LHFPL3: variants seen among roughly 807,000 people sequenced by gnomAD.
The protein encoded by LHFPL3 is LHFPL tetraspan subfamily member 3 protein.
LHFPL3 carries 5 observed loss-of-function variants against 19.3 expected under a neutral mutation model. The ratio of observed to expected loss-of-function variants is 0.26; its 90% CI spans 0.14 to 0.54. The LOEUF is 0.54. Ranked by LOEUF, LHFPL3 falls within the 20% of genes least tolerant of loss-of-function variation. LHFPL3 has a pLI of 0.94. For synonymous variants in LHFPL3, 133 were observed against 126.2 expected, an observed-to-expected ratio of 1.05 and a Z score of -0.36; for missense variants, 249 against 307.4, an observed-to-expected ratio of 0.81 and a Z score of 1.42.
chr7:104,704,524 CTTT>C (rs200846185), intron 1 of LHFPL3, among the ~76,000 whole-genome samples: 2 of 146,662 alleles, frequency 1.4e-5, no homozygotes, highest in African/African-American at 2.5e-5. Context: ...GGATAGAGTA[CTTT>C]TTTTTTTTTT....
intron 1 of LHFPL3, among the ~76,000 whole-genome samples, chr7:104,496,851 T>C (rs1043871762): frequency 2.6e-5 from 4 of 152,218 alleles, no homozygotes; most frequent in Admixed American, 2.6e-4. Context: ...TGGAAAGTAT[T>C]TGTGGGATCC....
At chr7:104,886,815 T>C (rs1792157619) in intron 2 of LHFPL3, among the ~76,000 whole-genome samples, 2 of 152,232 alleles carry the variant, frequency 1.3e-5, no homozygotes, top group Admixed American at 1.3e-4. Context: ...GAAGCTTTTC[T>C]ATTGCAAAAT....
At chr7:104,805,073 C>G (rs1790330990) in intron 2 of LHFPL3, among the ~76,000 whole-genome samples, 1 of 152,214 alleles carries the variant, frequency 6.6e-6, no homozygotes, top group Admixed American at 6.5e-5. Flanking sequence ...CAGGGGCCCC[C>G]ATAGGCTCAG....
At chr7:104,512,928 T>C (rs988392772) in intron 1 of LHFPL3, among the ~76,000 whole-genome samples, 1 of 152,176 alleles carries the variant, frequency 6.6e-6, no homozygotes, top group Non-Finnish European at 1.5e-5. Flanking sequence ...AGCTCTTGGC[T>C]GGTTAAACAG....
rs538050678 is a variant in LHFPL3, at chr7:104,667,428, T to A, written c.446-69247T>A. ...GGGCCATTGCTGTTACTTCGTAGAT[T>A]TGACTTTTCAAGGCTCACATCCCAG... is the stretch of plus-strand genomic sequence containing the variant. On this transcript the variant is annotated intron_variant, in intron 1 of 2. Transcript: ENST00000424859. Among the ~76,000 whole-genome samples, 8 of 152,324 alleles carry A rather than the reference T, an allele frequency of 5.3e-5. No homozygotes were observed. The East Asian group carries it at 1.5e-3, about 29-fold the overall frequency.
intron 1 of LHFPL3, among the ~76,000 whole-genome samples, chr7:104,531,256 T>C (rs1794288666): frequency 6.6e-6 from 1 of 152,182 alleles, no homozygotes; most frequent in Non-Finnish European, 1.5e-5. Context: ...AAAGATCAGC[T>C]CACTTCGTCA....
At chr7:104,731,237 G>A (rs1793698558) in intron 1 of LHFPL3, among the ~76,000 whole-genome samples, 4 of 150,348 alleles carry the variant, frequency 2.7e-5, no homozygotes, top group Admixed American at 2.0e-4. Context: ...GGCTCTTAAA[G>A]TAGTTTTTTC....
chr7:104,696,036 C>T (rs143683200), intron 1 of LHFPL3, among the ~76,000 whole-genome samples: 1,874 of 152,244 alleles, frequency 0.012, 41 homozygotes, highest in African/African-American at 0.043. Flanking sequence ...CTGCAACCTC[C>T]GCCTCCTGGG....
At chr7:104,394,019 A>G (rs897283535) in intron 1 of LHFPL3, among the ~76,000 whole-genome samples, 2 of 152,206 alleles carry the variant, frequency 1.3e-5, no homozygotes, top group African/African-American at 4.8e-5. Context: ...AAAATTATAT[A>G]GTAGCAATGG....
intron 1 of LHFPL3, among the ~76,000 whole-genome samples, chr7:104,522,075 GAC>G (rs1794075975): frequency 6.6e-6 from 1 of 152,020 alleles, no homozygotes; most frequent in South Asian, 2.1e-4. Context: ...CTGCTATAAA[GAC>G]ACATGCACAC....
At chr7:104,863,705 G>A (rs937020871) in intron 2 of LHFPL3, among the ~76,000 whole-genome samples, 1 of 152,188 alleles carries the variant, frequency 6.6e-6, no homozygotes, top group South Asian at 2.1e-4. Flanking sequence ...CCGGCTCAGA[G>A]ACATCAGGTA....
At chr7:104,860,190 A>C (rs1183564078) in intron 2 of LHFPL3, among the ~76,000 whole-genome samples, 1 of 151,538 alleles carries the variant, frequency 6.6e-6, no homozygotes, top group East Asian at 1.9e-4. Flanking sequence ...ACACACACAC[A>C]CACACACACA....
intron 1 of LHFPL3, among the ~76,000 whole-genome samples, chr7:104,528,426 T>C (rs544110276): frequency 3.0e-4 from 45 of 152,320 alleles, no homozygotes; most frequent in African/African-American, 8.7e-4. Flanking sequence ...GCTTTCCTTC[T>C]CTTTCTCATC....
intron 1 of LHFPL3, among the ~76,000 whole-genome samples, chr7:104,493,038 A>C (rs1288341097): frequency 6.6e-6 from 1 of 152,230 alleles, no homozygotes; most frequent in Non-Finnish European, 1.5e-5. Flanking sequence ...CAAATTTCTG[A>C]AAAGAATAAT....
intron 2 of LHFPL3, among the ~76,000 whole-genome samples, chr7:104,756,035 A>G (rs143849672): frequency 7.2e-5 from 11 of 152,216 alleles, no homozygotes; most frequent in African/African-American, 4.8e-5. Flanking sequence ...CTAAGGATAA[A>G]TAAGTCTTGC....
At chr7:104,595,018 G>T (rs560048212) in intron 1 of LHFPL3, among the ~76,000 whole-genome samples, 48 of 152,270 alleles carry the variant, frequency 3.2e-4, no homozygotes, top group African/African-American at 1.1e-3. Flanking sequence ...TGTTATTACC[G>T]ACCTTCTGAA....
chr7:104,780,527 C>G (rs1391244999), intron 2 of LHFPL3, among the ~76,000 whole-genome samples: 1 of 152,098 alleles, frequency 6.6e-6, no homozygotes, highest in Non-Finnish European at 1.5e-5. Context: ...CATATCCTGG[C>G]ACCCTGGCAC....
At chr7:104,564,207 A>C (rs943358371) in intron 1 of LHFPL3, among the ~76,000 whole-genome samples, 1 of 152,246 alleles carries the variant, frequency 6.6e-6, no homozygotes, top group African/African-American at 2.4e-5. Flanking sequence ...ACCTATGCCC[A>C]TAACACCATG....
At position 104,839,359 on chromosome 7, in the gene LHFPL3, T is replaced by C. The variant is rs567605038; in HGVS notation, c.683-66828T>C. Among the ~76,000 whole-genome samples, 10 of 152,292 alleles carry C rather than the reference T, an allele frequency of 6.6e-5. No individual in the cohort carries two copies. The East Asian group carries it at 1.9e-3, about 29-fold the overall frequency. On this transcript the variant is annotated intron_variant, in intron 2 of 2. Coordinates refer to ENST00000424859, the MANE Select transcript of LHFPL3 (RefSeq NM_199000.3). ...GGCAGATTGGAAACCTGAATTTCTT[T>C]TATATTATAAAATTAATAATTTGGG...
Sources: allele counts gnomAD v4.1 joint callset (sites outside exome capture counted in the v4.1 genomes callset), GRCh38; gene constraint gnomAD v4.1.1; transcripts MANE v1.5; gene names NCBI Gene and HGNC (gene_info 2026-07-23, HGNC 2026-07-21).